MATN1: variants seen among roughly 807,000 people sequenced by gnomAD.
MATN1 encodes matrilin 1, also known as matrilin-1.
In MATN1, 34 loss-of-function variants were observed where a neutral mutation model predicts 41.3. That is an observed-to-expected ratio of 0.82 (90% CI 0.63 to 1.10). The LOEUF is 1.10. Among genes scored for constraint, MATN1 ranks in the 50% least tolerant of loss-of-function variants. The pLI is 0.00. For synonymous variants in MATN1, 264 were observed against 278.7 expected, an observed-to-expected ratio of 0.95 and a Z score of 0.53; for missense variants, 602 against 662.4, an observed-to-expected ratio of 0.91 and a Z score of 1.00.
At chr1:30,714,124 C>G (rs1366861671) in intron 7 of MATN1, 123 bp downstream of exon 7, 1 of 754,530 alleles carries the variant, frequency 1.3e-6, no homozygotes, top group African/African-American at 1.7e-5. Flanking sequence ...CAGAATGCAG[C>G]CCATCAGCAG....
At chr1:30,720,058 C>T (rs374399337) in intron 2 of MATN1, 2 of 152,076 alleles carry the variant, frequency 1.3e-5, no homozygotes, top group Non-Finnish European at 2.9e-5. Flanking sequence ...CTCTTCCTCT[C>T]CAGGGGCCTG....
intron 1 of MATN1, among the ~76,000 whole-genome samples, chr1:30,722,533 C>G (rs954675320): frequency 1.3e-5 from 2 of 152,268 alleles, no homozygotes; most frequent in African/African-American, 4.8e-5. Flanking sequence ...GGCTCAGCCA[C>G]TCTGTGGGGC....
At position 30,718,732 on chromosome 1, in the gene MATN1, C is replaced by A. The variant is rs201093636; in HGVS notation, c.664+3G>T. Reference sequence around the variant, plus strand: ...CTGGCTCCGCCCCCGCCTGCCCGCGCACCGCAGAAGGCCTCCTGGAACTTC... The same window carrying A: ...CTGGCTCCGCCCCCGCCTGCCCGCGAACCGCAGAAGGCCTCCTGGAACTTC... On this transcript the variant is annotated splice_donor_region_variant and intron_variant, in intron 3 of 7. Transcript: ENST00000373765. The A allele has an allele frequency of 2.4e-3, 3,839 of 1,571,818 alleles. 6 individuals are homozygous for A. The highest frequency in any genetic ancestry group is 3.2e-3 in the Non-Finnish European group (3,639 of 1,155,206).
Position 30,716,064 on chromosome 1 carries a change from C to A in MATN1, c.1052G>T (p.Gly351Val). The A allele has an allele frequency of 1.9e-6, 3 of 1,614,206 alleles. No individual in the cohort carries two copies. Among genetic ancestry groups the A allele is most frequent in the Non-Finnish European group, 2.5e-6 (3 of 1,180,020 alleles). The change falls in exon 5 of 8, where the codon GGC (glycine) becomes GTC (valine). Residue 351 changes from glycine to valine, a missense_variant. Coordinates refer to ENST00000373765, the MANE Select transcript of MATN1 (RefSeq NM_002379.3). ...CTTGAGAGCAGCCCCAGTCATTGTG[C>A]CCTTCTCCATGTAGGACATATTCCG... ...AVRNMSYMEK[G>V]TMTGAALKYL...
intron 7 of MATN1, 200 bp downstream of exon 7, chr1:30,714,047 T>C (rs895052584): frequency 1.7e-6 from 1 of 599,902 alleles, no homozygotes; most frequent in Non-Finnish European, 3.0e-6. Context: ...CTCATTTTCT[T>C]GTTTACCTTC....
In MATN1 at chr1:30,712,351, C is replaced by T. The variant is rs1485582459; in HGVS notation, c.*1231G>A. The stretch of plus-strand genomic sequence containing the variant: ...AGGGAACATGGGGCCAGGAGTCTTT[C>T]TCTTGTGCAGTCTCTGAGGTGGGGC... On this transcript the variant is annotated 3_prime_UTR_variant, in exon 8 of 8. Transcript: ENST00000373765. The T allele has an allele frequency of 1.3e-5, 2 of 152,306 alleles. No individual in the cohort carries two copies. Among genetic ancestry groups the T allele is most frequent in the African/African-American group, 2.4e-5 (1 of 41,434 alleles). 9.4% of individuals were successfully genotyped at this position (152,306 alleles called of 1,614,324 possible).
chr1:30,717,505 A>G (rs967791440), intron 3 of MATN1, among the ~76,000 whole-genome samples: 4 of 151,828 alleles, frequency 2.6e-5, no homozygotes, highest in African/African-American at 9.7e-5. Context: ...CATCACAGAA[A>G]ACTCTGGCAC....
intron 6 of MATN1, 102 bp from the exon 7 acceptor site, chr1:30,714,429 G>T: frequency 1.1e-6 from 1 of 894,992 alleles, no homozygotes; most frequent in Non-Finnish European, 1.8e-6. Context: ...AGGATTCCCG[G>T]GGAGGTGAGG....
intron 2 of MATN1, chr1:30,719,310 A>C: frequency 3.8e-6 from 1 of 264,358 alleles, no homozygotes. Flanking sequence ...GAGTCGTGCC[A>C]CGCCCCTCGT....
rs535165123 is a variant in MATN1 at position 30,713,587 on chromosome 1, C to A, written c.1486G>T (p.Val496Phe). 1.9e-6 allele frequency: 3 copies of A among 1,553,624 alleles called. No homozygotes were observed. Among genetic ancestry groups the A allele is most frequent in the Non-Finnish European group, 2.6e-6 (3 of 1,147,874 alleles). Residue 496 changes from valine to phenylalanine, a missense_variant, in exon 8 of 8, where the codon GTC becomes TTC. Val to Phe is a conservative substitution (Grantham distance 50). Transcript: ENST00000373765. ...KRLAILENTV[V>F] is the part of the protein sequence containing the mutation. ...CACAGTGGTGACAGGCAGCCTTAGACAACTGTGTTCTCCAGGATGGCCAGC... is the reference window on the plus strand; with the variant it reads ...CACAGTGGTGACAGGCAGCCTTAGAAAACTGTGTTCTCCAGGATGGCCAGC...
Position 30,711,788 on chromosome 1 carries a change from C to A in MATN1, c.*1794G>T, listed in dbSNP as rs893022681. On this transcript the variant is annotated 3_prime_UTR_variant, in exon 8 of 8. Transcript: ENST00000373765. ...CAACATGGCTGCCTCTCCCCCTCCC[C>A]ACCTGTGTGGGGAGGAGAGGGGAGT... 1 of 152,260 alleles carries A rather than the reference C, an allele frequency of 6.6e-6. No homozygotes were observed. Among genetic ancestry groups the A allele is most frequent in the Admixed American group, 6.5e-5 (1 of 15,290 alleles). 9.4% of individuals were successfully genotyped at this position (152,260 alleles called of 1,614,324 possible).
intron 3 of MATN1, among the ~76,000 whole-genome samples, chr1:30,718,004 G>A (rs937199936): frequency 5.9e-5 from 9 of 152,170 alleles, no homozygotes; most frequent in African/African-American, 2.2e-4. Flanking sequence ...CCTGGGGCTG[G>A]AGACCCTCCT....
At chr1:30,719,599 ATC>A (rs1639672912) in intron 2 of MATN1, 1 of 153,122 alleles carries the variant, frequency 6.5e-6, no homozygotes, top group South Asian at 2.1e-4. Context: ...GAGGGAAAGA[ATC>A]TGCCTGCTCC....
In MATN1 at chr1:30,721,130, G is replaced by A. The variant is rs1327759009; in HGVS notation, c.441+275C>T. ...TGGCCTGTCTGCAATGTCTTCAAGG[G>A]GCTCAGACTGGTCGGGAACCAAGGT... On this transcript the variant is annotated intron_variant, in intron 2 of 7. Coordinates refer to ENST00000373765, the MANE Select transcript of MATN1 (RefSeq NM_002379.3). 6.6e-6 allele frequency: 3 copies of A among 456,168 alleles called. No homozygotes were observed. The South Asian group carries it at 7.8e-5, about 12-fold the overall frequency. The allele number at this position is 456,168 out of a possible 1,614,324, so 28.3% of individuals were successfully genotyped here. A position where few individuals can be genotyped will look rare whatever the true frequency, so the allele number is the denominator to read the frequency against.
chr1:30,723,396 C>G (rs1639720077), intron 1 of MATN1, 62 bp downstream of exon 1: 4 of 1,282,944 alleles, frequency 3.1e-6, no homozygotes, highest in South Asian at 1.5e-5. Flanking sequence ...GTACCCAGCC[C>G]CCAGTGCTGA....
Position 30,718,808 on chromosome 1 carries a change from G to T in MATN1, c.591C>A (p.Asp197Glu), listed in dbSNP as rs751730661. 9.6e-5 allele frequency: 155 copies of T among 1,610,364 alleles called. No homozygotes were observed. The highest frequency in any genetic ancestry group is 3.3e-4 in the Middle Eastern group (2 of 6,006). Residue 197 changes from aspartate (D) to glutamate (E), a missense_variant, in exon 3 of 8, where the codon GAC (aspartate) becomes GAA (glutamate). Transcript: ENST00000373765. Reference protein sequence around the residue: ...TLRQIASEPQDEHVDYVESYS... With the variant: ...TLRQIASEPQEEHVDYVESYS... ...AGCTCTCCACGTAATCGACGTGTTC[G>T]TCCTGCGGCTCGCTGGCGATCTGCC...
At chr1:30,717,274 G>A (rs923586214) in intron 3 of MATN1, among the ~76,000 whole-genome samples, 4 of 152,146 alleles carry the variant, frequency 2.6e-5, no homozygotes, top group Non-Finnish European at 5.9e-5. Flanking sequence ...CATATAATGA[G>A]GGTTACATTT....
intron 3 of MATN1, among the ~76,000 whole-genome samples, 169 bp from the exon 4 acceptor site, chr1:30,717,084 A>G (rs1340683265): frequency 6.6e-6 from 1 of 152,220 alleles, no homozygotes; most frequent in East Asian, 1.9e-4. Flanking sequence ...GTCTGGAATC[A>G]TTGCACCAGT....
At chr1:30,719,591 G>C (rs1156357105) in intron 2 of MATN1, 1 of 153,152 alleles carries the variant, frequency 6.5e-6, no homozygotes, top group Non-Finnish European at 1.5e-5. Context: ...CTGCCAGAGA[G>C]GGAAAGAATC....
Sources: allele counts gnomAD v4.1 joint callset (sites outside exome capture counted in the v4.1 genomes callset), GRCh38; gene constraint gnomAD v4.1.1; transcripts MANE v1.5; gene names NCBI Gene and HGNC (gene_info 2026-07-23, HGNC 2026-07-21).